The following PLEKHG6 variants were observed in gnomAD, a reference collection of about 807,000 sequenced individuals.
PLEKHG6 encodes the protein pleckstrin homology and RhoGEF domain containing G6.
Under a neutral mutation model 97.5 loss-of-function variants are expected in PLEKHG6, and 91 were observed. That is an observed-to-expected ratio of 0.93 (90% CI 0.79 to 1.11). The LOEUF (loss-of-function observed/expected upper bound fraction) is 1.11, where lower values mean the gene tolerates loss of function less well. Among genes scored for constraint, PLEKHG6 ranks in the 50% most tolerant of loss-of-function variants. The pLI is 0.00. For synonymous variants in PLEKHG6, 466 were observed against 425.5 expected (o/e 1.10, Z -1.17); for missense variants, 1,044 against 1,031.0 (o/e 1.01, Z -0.17).
chr12:6,326,312 A>G (rs1055081484), intron 13 of PLEKHG6, 116 bp from the exon 14 acceptor site: 3 of 500,064 alleles, frequency 6.0e-6, no homozygotes, highest in African/African-American at 6.5e-5. Flanking sequence ...CTCAAAAAAT[A>G]ATAATAATAA....
chr12:6,318,834 T>A lies in PLEKHG6; in HGVS notation c.1365T>A (p.Pro455=), dbSNP rs1369391953. 6.2e-7 allele frequency: 1 copy of A among 1,613,970 alleles called. No homozygotes were observed. The highest frequency in any genetic ancestry group is 8.5e-7 in the Non-Finnish European group (1 of 1,180,022). The change falls in exon 12 of 16, where the codon CCT becomes CCA. Residue 455 remains proline (P), a synonymous_variant. Coordinates refer to ENST00000684764, the MANE Select transcript of PLEKHG6 (RefSeq NM_001384598.1). ...KADKAKVIRP[P]LMLEKLVCQP... is the part of the protein sequence containing the mutation. ...ACAAAGCCAAGGTCATCCGACCCCC[T>A]CTCATGCTGGAGAAGCTCGTGTGCC... is the stretch of plus-strand genomic sequence containing the variant.
chr12:6,316,184 C>T lies in PLEKHG6; in HGVS notation c.607-71C>T. The T allele has an allele frequency of 1.4e-6, 2 of 1,437,778 alleles. No individual in the cohort carries two copies. The highest frequency in any genetic ancestry group is 1.9e-6 in the Non-Finnish European group (2 of 1,073,036). The allele number at this position is 1,437,778 out of a possible 1,614,324, so 89.1% of individuals were successfully genotyped here. On this transcript the variant is annotated intron_variant, in intron 6 of 15. Coordinates refer to ENST00000684764, the MANE Select transcript of PLEKHG6 (RefSeq NM_001384598.1). The surrounding 1 kb of genome is among the most constrained non-coding windows in gnomAD (Gnocchi z 4.1). The stretch of plus-strand genomic sequence containing the variant: ...CTGCTGTCCAAGCTTAAGGTCCTCA[C>T]CTTTCCTCAGCCAGTGCCACCCCTG...
rs745554785 is a variant in PLEKHG6 at position 6,316,404 on chromosome 12, G to A, written c.756G>A (p.Thr252=). Residue 252 remains threonine (T), a splice_region_variant and synonymous_variant, in exon 7 of 16, where the codon ACG becomes ACA. Transcript: ENST00000684764. The surrounding 1 kb of genome is among the most constrained non-coding windows in gnomAD (Gnocchi z 4.1). The part of the protein sequence containing the change: ...DPIGLQSGFL[T]FGQRFHPYVQ... ...TTGGTCTGCAAAGTGGCTTCCTGAC[G>A]GTGAGGCCTGTGAAGGGCTGTGTCT... is the stretch of plus-strand genomic sequence containing the variant. 25 of 1,569,204 alleles carry A rather than the reference G, an allele frequency of 1.6e-5. No homozygotes were observed. In the East Asian group the frequency reaches 3.3e-4, roughly 21 times the overall value.
intron 2 of PLEKHG6, chr12:6,312,709 G>T: frequency 1.7e-6 from 2 of 1,167,812 alleles, no homozygotes; most frequent in Middle Eastern, 3.6e-4. Context: ...GGAGTTTGAG[G>T]CCTTCCTGAG....
intron 13 of PLEKHG6, among the ~76,000 whole-genome samples, chr12:6,322,019 C>T (rs899483065): frequency 6.6e-6 from 1 of 152,100 alleles, no homozygotes; most frequent in African/African-American, 2.4e-5. Context: ...TACACAATGA[C>T]TACCTGCTTC....
intron 13 of PLEKHG6, among the ~76,000 whole-genome samples, chr12:6,324,919 C>T (rs1029622831): frequency 5.9e-5 from 9 of 152,122 alleles, no homozygotes; most frequent in Non-Finnish European, 8.8e-5. Context: ...CAGAAAGGAG[C>T]GCTGCACTAG....
In PLEKHG6 at chr12:6,326,468, A is replaced by C. The variant is rs775489063; in HGVS notation, c.1565A>C (p.Gln522Pro). 2 of 1,613,294 alleles carry C rather than the reference A, an allele frequency of 1.2e-6. No homozygotes were observed. Among genetic ancestry groups the C allele is most frequent in the African/African-American group, 2.7e-5 (2 of 74,816 alleles). ...QKLKAEEYVQ[Q>P]KRELLTLYRD... is the part of the protein sequence containing the mutation. ...CTGAAGGCAGAGGAGTATGTTCAAC[A>C]GAAGAGGGAGCTCCTGACCCTCTAT... Residue 522 changes from glutamine to proline, a missense_variant, in exon 14 of 16, where the codon CAG becomes CCG. Transcript: ENST00000684764.
rs1947453173 is a variant in PLEKHG6, at chr12:6,316,252, C to T, written c.607-3C>T. The T allele has an allele frequency of 1.3e-6, 2 of 1,550,040 alleles. No homozygotes were observed. Among genetic ancestry groups the T allele is most frequent in the South Asian group, 2.4e-5 (2 of 83,568 alleles). On this transcript the variant is annotated splice_region_variant and splice_polypyrimidine_tract_variant and intron_variant, in intron 6 of 15. Coordinates refer to ENST00000684764, the MANE Select transcript of PLEKHG6 (RefSeq NM_001384598.1). This position sits in a 1 kb window ranked among gnomAD's most constrained non-coding sequence, Gnocchi z 4.1. ...TGCTGCTCAGCTCTGCTCCCTCCTC[C>T]AGGTGTCAGCTGAGACCCTGTTTGG...
chr12:6,317,372 G>C lies in PLEKHG6; in HGVS notation c.826G>C (p.Glu276Gln). ...RVKQTMAYAR[E>Q]QQETNPLFHA... The stretch of plus-strand genomic sequence containing the variant: ...GAAGCAGACCATGGCTTACGCCCGA[G>C]AACAGCAAGAAACTAACCCTCTCTT... The change falls in exon 8 of 16, where the codon GAA becomes CAA. Residue 276 changes from glutamate (E) to glutamine (Q), a missense_variant. Glu to Gln is a conservative substitution (Grantham distance 29). Coordinates refer to ENST00000684764, the MANE Select transcript of PLEKHG6 (RefSeq NM_001384598.1). 2 of 1,614,116 alleles carry C rather than the reference G, an allele frequency of 1.2e-6. No individual in the cohort carries two copies. Among genetic ancestry groups the C allele is most frequent in the Non-Finnish European group, 1.7e-6 (2 of 1,180,004 alleles).
At chr12:6,324,300 CCG>C (rs1947800165) in intron 13 of PLEKHG6, among the ~76,000 whole-genome samples, 1 of 151,152 alleles carries the variant, frequency 6.6e-6, no homozygotes, top group Non-Finnish European at 1.5e-5. Context: ...CCTCCCCCCC[CCG>C]CCGCCTCCTC....
In PLEKHG6 at chr12:6,315,206, G is replaced by T; in HGVS notation, c.459+37G>T. On this transcript the variant is annotated intron_variant, in intron 4 of 15. Transcript: ENST00000684764. This position sits in a 1 kb window ranked among gnomAD's most constrained non-coding sequence, Gnocchi z 4.5. ...ACTCACAAGGTGAGTCTGTCCCCACGGCGTGAATGCACACACAGATTCTGC... is the reference window on the plus strand; with the variant it reads ...ACTCACAAGGTGAGTCTGTCCCCACTGCGTGAATGCACACACAGATTCTGC... The T allele has an allele frequency of 6.3e-7, 1 of 1,581,082 alleles. No homozygotes were observed. The highest frequency in any genetic ancestry group is 8.6e-7 in the Non-Finnish European group (1 of 1,161,658).
chr12:6,314,522 A>G (rs1205008432), intron 3 of PLEKHG6, among the ~76,000 whole-genome samples: 4 of 152,100 alleles, frequency 2.6e-5, no homozygotes, highest in African/African-American at 9.7e-5. Flanking sequence ...GGAAAAAAAA[A>G]AGAAACCTGT....
chr12:6,322,784 G>C (rs1947743540), intron 13 of PLEKHG6, among the ~76,000 whole-genome samples: 2 of 152,146 alleles, frequency 1.3e-5, no homozygotes, highest in Admixed American at 1.3e-4. Context: ...GGGAGGCTGA[G>C]GTGGGAGGAT....
At chr12:6,323,987 A>T (rs982125412) in intron 13 of PLEKHG6, among the ~76,000 whole-genome samples, 21 of 152,062 alleles carry the variant, frequency 1.4e-4, no homozygotes, top group Admixed American at 1.2e-3. Flanking sequence ...TCTAGGAGCC[A>T]CCCCAGAGAC....
At position 6,315,411 on chromosome 12, in the gene PLEKHG6, A is replaced by G. The variant is rs1003563; in HGVS notation, c.460-143A>G. The G allele has an allele frequency of 0.62, 413,071 of 667,516 alleles. 131,850 individuals carry two copies. Among genetic ancestry groups the G allele is most frequent in the African/African-American group, 0.87 (48,196 of 55,084 alleles). The allele number at this position is 667,516 out of a possible 1,614,324, so 41.3% of individuals were successfully genotyped here. A position where few individuals can be genotyped will look rare whatever the true frequency, so the allele number is the denominator to read the frequency against. ...GTGGGGATAATACCACCTACACATCAGAGCACTGGTTTGAGGATTAAAAGG... is the reference window on the plus strand; with the variant it reads ...GTGGGGATAATACCACCTACACATCGGAGCACTGGTTTGAGGATTAAAAGG... On this transcript the variant is annotated intron_variant, in intron 4 of 15. Transcript: ENST00000684764. The surrounding 1 kb of genome is among the most constrained non-coding windows in gnomAD (Gnocchi z 4.5).
Position 6,327,524 on chromosome 12 carries a change from C to G in PLEKHG6, c.1941C>G (p.Pro647=). 1 of 1,611,626 alleles carries G rather than the reference C, an allele frequency of 6.2e-7. No individual in the cohort carries two copies. Among genetic ancestry groups the G allele is most frequent in the Non-Finnish European group, 8.5e-7 (1 of 1,179,058 alleles). The change falls in exon 15 of 16, where the codon CCC becomes CCG. Residue 647 remains proline, a synonymous_variant. Coordinates refer to ENST00000684764, the MANE Select transcript of PLEKHG6 (RefSeq NM_001384598.1). The part of the protein sequence containing the change: ...DPQAPQRRSA[P]ELPEGILKGG... ...AAGCTCCTCAACGCCGAAGCGCCCCCGAACTGCCGGAAGGAATCCTAAAAG... is the reference window on the plus strand; with the variant it reads ...AAGCTCCTCAACGCCGAAGCGCCCCGGAACTGCCGGAAGGAATCCTAAAAG...
intron 7 of PLEKHG6, 65 bp from the exon 8 acceptor site, chr12:6,317,238 C>T: frequency 9.6e-7 from 1 of 1,045,620 alleles, no homozygotes. Flanking sequence ...GGTCCTGCAG[C>T]TAGAGCCTGT....
chr12:6,317,893 G>C lies in PLEKHG6; in HGVS notation c.1054G>C (p.Gly352Arg), dbSNP rs1326992412. 1 of 1,557,820 alleles carries C rather than the reference G, an allele frequency of 6.4e-7. No individual in the cohort carries two copies. Among genetic ancestry groups the C allele is most frequent in the Non-Finnish European group, 8.7e-7 (1 of 1,150,078 alleles). Reference sequence around the variant, plus strand: ...GGAGTCATTCCTGCGACACATCAATGGGCAGGTCCGCCAGGGCGAAGAGCA... The same window carrying C: ...GGAGTCATTCCTGCGACACATCAATCGGCAGGTCCGCCAGGGCGAAGAGCA... Reference protein sequence around the residue: ...AVESFLRHINGQVRQGEEQES... With the variant: ...AVESFLRHINRQVRQGEEQES... Residue 352 changes from glycine to arginine, a missense_variant, in exon 10 of 16, where the codon GGG (glycine) becomes CGG (arginine). Coordinates refer to ENST00000684764, the MANE Select transcript of PLEKHG6 (RefSeq NM_001384598.1).
intron 13 of PLEKHG6, among the ~76,000 whole-genome samples, chr12:6,322,407 G>T (rs1442875987): frequency 6.6e-6 from 1 of 152,174 alleles, no homozygotes; most frequent in Non-Finnish European, 1.5e-5. Context: ...ACACCCCAAG[G>T]GGAGGCAGGT....
Sources: allele counts gnomAD v4.1 joint callset (sites outside exome capture counted in the v4.1 genomes callset), GRCh38; gene constraint gnomAD v4.1.1; non-coding constraint Gnocchi (gnomAD v3.1); transcripts MANE v1.5; gene names NCBI Gene and HGNC (gene_info 2026-07-23, HGNC 2026-07-21).